The following ANKRD36 variants were observed in gnomAD, a reference collection of about 807,000 sequenced individuals.
ANKRD36 encodes the protein ankyrin repeat domain-containing protein 36A.
ANKRD36 carries 179 observed loss-of-function variants against 278.1 expected under a neutral mutation model. That is an observed-to-expected ratio of 0.64 (90% confidence interval 0.57 to 0.73). ANKRD36 has a LOEUF of 0.73. ANKRD36 is among the 30% of genes least tolerant of loss of function. The probability of loss-of-function intolerance (pLI) is 0.00; values close to 1 mark genes in which losing one functional copy is unlikely to be tolerated. For synonymous variants in ANKRD36, 320 were observed against 641.1 expected (o/e 0.50, Z 7.57); for missense variants, 1,159 against 1,956.7 (o/e 0.59, Z 7.69).
chr2:97,160,732 A>C (rs1023499918), intron 17 of ANKRD36, among the ~76,000 whole-genome samples: 2 of 152,060 alleles, frequency 1.3e-5, no homozygotes, highest in African/African-American at 4.8e-5. Flanking sequence ...TAGGTTTTAC[A>C]TTTCTCTCTT....
intron 42 of ANKRD36, among the ~76,000 whole-genome samples, chr2:97,197,413 T>A (rs1250101395): frequency 6.6e-6 from 1 of 151,974 alleles, no homozygotes; most frequent in East Asian, 1.9e-4. Context: ...ATTCTGGGAT[T>A]GGCATAAAAA....
chr2:97,118,167 C>T lies in ANKRD36; in HGVS notation c.301C>T (p.Pro101Ser), dbSNP rs1404890644. The T allele has an allele frequency of 1.0e-5, 16 of 1,578,762 alleles. No individual in the cohort carries two copies. Among genetic ancestry groups the T allele is most frequent in the Admixed American group, 7.3e-5 (4 of 54,798 alleles). ...CCTCTGCGACCGTGAAGACAGGACA[C>T]CTCTGATCAAGGTATATAGTAGCTG... ...LNLCDREDRT[P>S]LIKAVQLRQE... Residue 101 changes from proline to serine, a missense_variant, in exon 2 of 76, where the codon CCT becomes TCT. Coordinates refer to ENST00000420699, the MANE Select transcript of ANKRD36 (RefSeq NM_001354587.1).
intron 38 of ANKRD36, 123 bp from the exon 39 acceptor site, chr2:97,194,603 A>T (rs2059266574): frequency 6.5e-7 from 1 of 1,540,768 alleles, no homozygotes; most frequent in Non-Finnish European, 8.8e-7. Context: ...CAGAAAGTAG[A>T]AGCCATCAAA....
At chr2:97,173,158 T>A (rs2153522544) in intron 22 of ANKRD36, among the ~76,000 whole-genome samples, 1 of 151,848 alleles carries the variant, frequency 6.6e-6, no homozygotes, top group South Asian at 2.1e-4. Flanking sequence ...TGAATAAAAT[T>A]TCAGAGCTTG....
intron 5 of ANKRD36, 42 bp downstream of exon 5, chr2:97,124,639 G>A: frequency 6.6e-7 from 1 of 1,523,176 alleles, no homozygotes; most frequent in East Asian, 2.5e-5. Flanking sequence ...CTAAATTGAA[G>A]TTTAAAATAA....
At chr2:97,123,346 C>T (rs2037459773) in intron 4 of ANKRD36, among the ~76,000 whole-genome samples, 1 of 132,904 alleles carries the variant, frequency 7.5e-6, no homozygotes, top group Admixed American at 7.8e-5. Flanking sequence ...CTTACATTAG[C>T]TAAAGGGGTT....
intron 75 of ANKRD36, among the ~76,000 whole-genome samples, chr2:97,260,430 A>G (rs1401547301): frequency 7.2e-6 from 1 of 139,724 alleles, no homozygotes; most frequent in Non-Finnish European, 1.5e-5. Context: ...ACACAAACAC[A>G]CACACACACA....
intron 52 of ANKRD36, among the ~76,000 whole-genome samples, chr2:97,206,555 A>G (rs2062902347): frequency 6.6e-6 from 1 of 151,312 alleles, no homozygotes; most frequent in African/African-American, 2.4e-5. Context: ...AACTAAGGAG[A>G]CCCCTGGTGT....
Position 97,124,425 on chromosome 2 carries a change from C to G in ANKRD36, c.594-35C>G, listed in dbSNP as rs200315621. On this transcript the variant is annotated intron_variant, in intron 4 of 75. Transcript: ENST00000420699. ...TATATAAACTTAGCTTTTAAAATGT[C>G]ATTAAAGTTTTTAATTACCTCTCTG... The G allele has an allele frequency of 6.2e-4, 953 of 1,534,132 alleles. 19 individuals carry two copies. The South Asian group carries it at 0.011, about 18-fold the overall frequency.
chr2:97,203,401 C>T (rs1413083722), intron 48 of ANKRD36, among the ~76,000 whole-genome samples: 46 of 151,824 alleles, frequency 3.0e-4, no homozygotes, highest in Non-Finnish European at 6.3e-4. Flanking sequence ...AATATATTAT[C>T]CCTTCGTGCC....
At chr2:97,187,494 G>GGGGGGGGGGGGGGGTC in intron 32 of ANKRD36, 93 bp downstream of exon 32, 3 of 95,518 alleles carry the variant, frequency 3.1e-5, no homozygotes, top group Admixed American at 3.0e-4. Flanking sequence ...GGGTGGGGGG[G>GGGGGGGGGGGGGGGTC]CTCGCCGAAG....
chr2:97,146,273 A>ATT (rs397738008), intron 10 of ANKRD36, among the ~76,000 whole-genome samples: 171 of 146,972 alleles, frequency 1.2e-3, no homozygotes, highest in Middle Eastern at 7.1e-3. Flanking sequence ...TGCCTACATG[A>ATT]TTTTTTTTTT....
chr2:97,118,302 G>T, intron 2 of ANKRD36, 42 bp from the exon 3 acceptor site: 1 of 1,611,344 alleles, frequency 6.2e-7, no homozygotes. Context: ...TGTTTATTTT[G>T]ATTTTTCAGT....
intron 32 of ANKRD36, among the ~76,000 whole-genome samples, chr2:97,187,896 A>C (rs62154804): frequency 0.56 from 84,679 of 151,446 alleles, 29,356 homozygotes; most frequent in Non-Finnish European, 0.78. Context: ...AAGGAGGGAA[A>C]AGAAGTTATT....
At chr2:97,187,759 G>A (rs553326897) in intron 32 of ANKRD36, among the ~76,000 whole-genome samples, 34 of 151,866 alleles carry the variant, frequency 2.2e-4, no homozygotes, top group African/African-American at 8.2e-4. Flanking sequence ...TTCTACAGAC[G>A]TCACATAGTA....
intron 10 of ANKRD36, among the ~76,000 whole-genome samples, chr2:97,145,787 G>A (rs557932297): frequency 6.6e-6 from 1 of 152,100 alleles, no homozygotes; most frequent in African/African-American, 2.4e-5. Context: ...ATACAAAAGT[G>A]TAGGCTCATT....
At chr2:97,125,854 T>C (rs2038472632) in intron 5 of ANKRD36, among the ~76,000 whole-genome samples, 1 of 152,004 alleles carries the variant, frequency 6.6e-6, no homozygotes, top group Non-Finnish European at 1.5e-5. Context: ...GAGCTAACCC[T>C]CATCTATGAC....
chr2:97,192,773 G>C (rs1472826713), intron 36 of ANKRD36, 85 bp from the exon 37 acceptor site: 21 of 1,494,488 alleles, frequency 1.4e-5, no homozygotes, highest in Non-Finnish European at 1.8e-5. Flanking sequence ...CAGGAGAACA[G>C]AGGTTGATAC....
intron 66 of ANKRD36, among the ~76,000 whole-genome samples, chr2:97,224,360 A>G (rs2068642638): frequency 6.6e-6 from 1 of 151,900 alleles, no homozygotes; most frequent in African/African-American, 2.4e-5. Context: ...CCTTTCTTAA[A>G]GAAGTAAATA....
Sources: gnomAD v4.1 joint callset for allele counts (sites outside exome capture counted in the v4.1 genomes callset) on GRCh38, gnomAD v4.1.1 for gene constraint, MANE v1.5 for transcripts, NCBI Gene and HGNC (gene_info 2026-07-23, HGNC 2026-07-21) for gene names.